KIRREL1: variants seen among roughly 807,000 people sequenced by gnomAD.
KIRREL1 encodes kin of IRRE-like protein 1.
Under a neutral mutation model 83.3 loss-of-function variants are expected in KIRREL1, and 25 were observed. The observed-to-expected ratio is 0.30, with a 90% CI of 0.22 to 0.42. The LOEUF (loss-of-function observed/expected upper bound fraction) is 0.42, where lower values mean the gene tolerates loss of function less well. Ranked by LOEUF, KIRREL1 falls within the 10% of genes least tolerant of loss-of-function variation. The pLI is 1.00. For synonymous variants in KIRREL1, 388 were observed against 410.4 expected (o/e 0.95, Z 0.66); for missense variants, 812 against 1,032.3 (o/e 0.79, Z 2.92).
intron 1 of KIRREL1, among the ~76,000 whole-genome samples, chr1:158,057,622 G>A (rs146557719): frequency 0.013 from 2,049 of 152,304 alleles, 22 homozygotes; most frequent in Non-Finnish European, 0.018. Flanking sequence ...GAAAAGATGT[G>A]TAATATTTTT....
At chr1:158,051,968 C>T (rs72711935) in intron 1 of KIRREL1, among the ~76,000 whole-genome samples, 2 of 152,158 alleles carry the variant, frequency 1.3e-5, no homozygotes, top group Non-Finnish European at 2.9e-5. Context: ...TTCTCTTTAT[C>T]CACTGTCTTA....
chr1:158,086,776 C>G (rs1481573380), intron 5 of KIRREL1, 30 bp downstream of exon 5: 3 of 1,543,044 alleles, frequency 1.9e-6, no homozygotes, highest in South Asian at 2.4e-5. Flanking sequence ...CAGTCTGGAG[C>G]AGGGGGGTGG....
At chr1:158,092,034 C>G (rs1017303528) in intron 11 of KIRREL1, among the ~76,000 whole-genome samples, 2 of 152,198 alleles carry the variant, frequency 1.3e-5, no homozygotes, top group African/African-American at 4.8e-5. Flanking sequence ...ATAACACGCC[C>G]ATCTCATTGG....
At chr1:158,005,551 T>G (rs1290773428) in intron 1 of KIRREL1, among the ~76,000 whole-genome samples, 1 of 151,978 alleles carries the variant, frequency 6.6e-6, no homozygotes, top group Admixed American at 6.6e-5. Flanking sequence ...CACTTTTTTT[T>G]TTTTTAATGA....
At chr1:158,055,008 C>A (rs1384394316) in intron 1 of KIRREL1, among the ~76,000 whole-genome samples, 1 of 152,098 alleles carries the variant, frequency 6.6e-6, no homozygotes, top group Non-Finnish European at 1.5e-5. Context: ...GGCTTTCTTG[C>A]TTCTTCCTTT....
intron 1 of KIRREL1, among the ~76,000 whole-genome samples, chr1:158,046,617 T>A (rs1660785242): frequency 1.4e-5 from 2 of 146,078 alleles, no homozygotes; most frequent in Admixed American, 6.8e-5. Flanking sequence ...GAGGAGGAGG[T>A]TGTGGAGCAG....
intron 1 of KIRREL1, among the ~76,000 whole-genome samples, chr1:158,014,663 G>A (rs1358491819): frequency 1.0e-5 from 1 of 100,396 alleles, no homozygotes; most frequent in Non-Finnish European, 1.8e-5. Context: ...TCACTATTAA[G>A]AGAAATATAG....
At chr1:157,995,797 T>C (rs1289013219) in intron 1 of KIRREL1, among the ~76,000 whole-genome samples, 3 of 151,254 alleles carry the variant, frequency 2.0e-5, no homozygotes, top group Non-Finnish European at 2.9e-5. Context: ...GTGTCTGGGG[T>C]TGGGGGAGAG....
chr1:158,093,042 C>T (rs907637686), intron 11 of KIRREL1, among the ~76,000 whole-genome samples: 1 of 152,132 alleles, frequency 6.6e-6, no homozygotes, highest in African/African-American at 2.4e-5. Flanking sequence ...GGACAGGGAT[C>T]GACAGACAAC....
In KIRREL1 at chr1:158,099,807, CT is replaced by C. The variant is rs1271763330; in HGVS notation, c.*4688del. 6.6e-6 allele frequency: 1 copy of C among 152,084 alleles called. No individual in the cohort carries two copies. Among genetic ancestry groups the C allele is most frequent in the African/African-American group, 2.4e-5 (1 of 41,400 alleles). The allele number at this position is 152,084 out of a possible 1,614,324, so 9.4% of individuals were successfully genotyped here. On this transcript the variant is annotated 3_prime_UTR_variant, in exon 15 of 15. Transcript: ENST00000359209. ...TGGAGCTCTTCAGATGCTGTCCCCCCTGAGAATACCCTAACTCTGGGGAAAG... is the reference window on the plus strand; with the variant it reads ...TGGAGCTCTTCAGATGCTGTCCCCCCGAGAATACCCTAACTCTGGGGAAAG...
intron 1 of KIRREL1, among the ~76,000 whole-genome samples, chr1:158,053,720 T>C (rs748822251): frequency 3.3e-5 from 5 of 152,246 alleles, no homozygotes; most frequent in Non-Finnish European, 5.9e-5. Context: ...CTGAAGCTAT[T>C]TCATGTAAAT....
chr1:158,036,990 A>G (rs1660492759), intron 1 of KIRREL1, among the ~76,000 whole-genome samples: 1 of 152,130 alleles, frequency 6.6e-6, no homozygotes, highest in Non-Finnish European at 1.5e-5. Context: ...GGAGCCTGAG[A>G]TGGGACAGTC....
intron 1 of KIRREL1, among the ~76,000 whole-genome samples, chr1:157,996,692 C>G (rs539041464): frequency 5.9e-5 from 9 of 152,348 alleles, no homozygotes; most frequent in Admixed American, 3.3e-4. Context: ...CATATACACA[C>G]TTTAGATGTC....
At chr1:158,032,328 G>A (rs774422166) in intron 1 of KIRREL1, among the ~76,000 whole-genome samples, 8 of 152,076 alleles carry the variant, frequency 5.3e-5, no homozygotes, top group Non-Finnish European at 1.2e-4. Flanking sequence ...TCAGGCTTGG[G>A]AGCAGGGAGA....
chr1:158,013,496 G>A (rs950931822), intron 1 of KIRREL1, among the ~76,000 whole-genome samples: 4 of 152,184 alleles, frequency 2.6e-5, no homozygotes, highest in South Asian at 4.1e-4. Context: ...ACGGCTCCCC[G>A]TTTCTTCTCA....
intron 1 of KIRREL1, among the ~76,000 whole-genome samples, chr1:158,005,391 G>T (rs999604686): frequency 6.6e-6 from 1 of 152,036 alleles, no homozygotes; most frequent in African/African-American, 2.4e-5. Flanking sequence ...CCCCAAGATT[G>T]TCTTATCTAA....
chr1:158,050,241 T>C (rs1431351656), intron 1 of KIRREL1, among the ~76,000 whole-genome samples: 1 of 152,050 alleles, frequency 6.6e-6, no homozygotes, highest in Non-Finnish European at 1.5e-5. Context: ...AGCGTGAACA[T>C]AGACTCAATC....
Position 158,091,637 on chromosome 1 carries a change from C to T in KIRREL1, c.1471+81C>T, listed in dbSNP as rs190306783. On this transcript the variant is annotated intron_variant, in intron 11 of 14. Coordinates refer to ENST00000359209, the MANE Select transcript of KIRREL1 (RefSeq NM_018240.7). Reference sequence around the variant, plus strand: ...CCTTCTTTTCTCCAGGGGCAGGGCTCAGCTGCTCCCCTTCCCTTGGGCTCT... The same window carrying T: ...CCTTCTTTTCTCCAGGGGCAGGGCTTAGCTGCTCCCCTTCCCTTGGGCTCT... 4.9e-4 allele frequency: 655 copies of T among 1,328,524 alleles called. 4 individuals carry two copies. In the African/African-American group the frequency reaches 8.3e-3, roughly 17 times the overall value. 82.3% of individuals were successfully genotyped at this position (1,328,524 alleles called of 1,614,324 possible).
At position 158,060,530 on chromosome 1, in the gene KIRREL1, C is replaced by T. The variant is rs376063641; in HGVS notation, c.53-15583C>T. Among the ~76,000 whole-genome samples, 499 of 152,298 alleles carry T rather than the reference C, an allele frequency of 3.3e-3. 22 individuals carry two copies. The South Asian group carries it at 0.098, about 30-fold the overall frequency. ...CTCTTACTTCAATCTGCCTGTTCCG[C>T]CTCCACTGAGACTTTCTGCTGCGCC... On this transcript the variant is annotated intron_variant, in intron 1 of 14. Coordinates refer to ENST00000359209, the MANE Select transcript of KIRREL1 (RefSeq NM_018240.7).
Sources: gnomAD v4.1 joint callset for allele counts (sites outside exome capture counted in the v4.1 genomes callset) on GRCh38, gnomAD v4.1.1 for gene constraint, MANE v1.5 for transcripts, NCBI Gene and HGNC (gene_info 2026-07-23, HGNC 2026-07-21) for gene names.